The following CAMKMT variants were observed in gnomAD, a reference collection of about 807,000 sequenced individuals.
CAMKMT encodes the protein calmodulin-lysine N-methyltransferase, also known as CaM KMT.
Under a neutral mutation model 48.0 loss-of-function variants are expected in CAMKMT, and 53 were observed. The observed-to-expected ratio is 1.10, with a 90% CI of 0.89 to 1.39. The LOEUF (loss-of-function observed/expected upper bound fraction) is 1.39, where lower values mean the gene tolerates loss of function less well. Among genes scored for constraint, CAMKMT ranks in the 40% most tolerant of loss-of-function variants. CAMKMT has a pLI of 0.00. For missense variants in CAMKMT, 428 were observed against 402.7 expected (o/e 1.06, Z -0.54); for synonymous variants, 165 against 152.3 (o/e 1.08, Z -0.61).
At chr2:44,512,803 G>T (rs1670635575) in intron 3 of CAMKMT, among the ~76,000 whole-genome samples, 1 of 151,650 alleles carries the variant, frequency 6.6e-6, no homozygotes, top group African/African-American at 2.4e-5. Flanking sequence ...TATTTTCAAT[G>T]TTTTTTTCTT....
chr2:44,441,532 AT>A (rs1666661971), intron 3 of CAMKMT, among the ~76,000 whole-genome samples: 1 of 152,198 alleles, frequency 6.6e-6, no homozygotes, highest in Non-Finnish European at 1.5e-5. Flanking sequence ...GATTAACTGT[AT>A]AAAAAGACTG....
intron 3 of CAMKMT, among the ~76,000 whole-genome samples, chr2:44,539,562 A>G (rs1666976543): frequency 6.6e-6 from 1 of 152,142 alleles, no homozygotes; most frequent in Non-Finnish European, 1.5e-5. Context: ...CCTCAATGAT[A>G]GTCTTTATAG....
At chr2:44,489,326 A>G (rs753111768) in intron 3 of CAMKMT, among the ~76,000 whole-genome samples, 10 of 148,960 alleles carry the variant, frequency 6.7e-5, no homozygotes, top group Admixed American at 4.1e-4. Flanking sequence ...GCTCACTGCA[A>G]TCTCTGCCTC....
At chr2:44,728,541 TCTGGTCCAGGG>T (rs1460261247) in intron 7 of CAMKMT, among the ~76,000 whole-genome samples, 1 of 152,204 alleles carries the variant, frequency 6.6e-6, no homozygotes, top group Non-Finnish European at 1.5e-5. Flanking sequence ...TGTGAATCCA[TCTGGTCCAGGG>T]CTTTTTTTTG....
chr2:44,591,186 G>A (rs1162502553), intron 3 of CAMKMT, among the ~76,000 whole-genome samples: 1 of 150,146 alleles, frequency 6.7e-6, no homozygotes, highest in Non-Finnish European at 1.5e-5. Context: ...GTCAGGTAGT[G>A]TGATGCCTCC....
At chr2:44,387,439 A>C (rs1022479541) in intron 2 of CAMKMT, among the ~76,000 whole-genome samples, 5 of 152,000 alleles carry the variant, frequency 3.3e-5, no homozygotes, top group Non-Finnish European at 7.4e-5. Flanking sequence ...GGCAGCAGAT[A>C]GTTGGTTGGT....
intron 3 of CAMKMT, among the ~76,000 whole-genome samples, chr2:44,622,699 G>C (rs542207295): frequency 6.6e-6 from 1 of 152,178 alleles, no homozygotes; most frequent in Non-Finnish European, 1.5e-5. Context: ...ATAGTATTCC[G>C]TGGTATATAT....
intron 2 of CAMKMT, among the ~76,000 whole-genome samples, chr2:44,387,440 G>C: frequency 6.6e-6 from 1 of 152,114 alleles, no homozygotes; most frequent in East Asian, 1.9e-4. Context: ...GCAGCAGATA[G>C]TTGGTTGGTG....
chr2:44,383,662 A>G (rs866384906), intron 2 of CAMKMT, among the ~76,000 whole-genome samples: 1 of 152,062 alleles, frequency 6.6e-6, no homozygotes, highest in African/African-American at 2.4e-5. Flanking sequence ...CCCAAAGTCC[A>G]TTGTATCATT....
chr2:44,501,683 A>T (rs1670014363), intron 3 of CAMKMT, among the ~76,000 whole-genome samples: 1 of 152,294 alleles, frequency 6.6e-6, no homozygotes, highest in Middle Eastern at 3.4e-3. Context: ...AAATATTTTT[A>T]TAGGTGCAGT....
At chr2:44,555,810 A>G (rs985927514) in intron 3 of CAMKMT, among the ~76,000 whole-genome samples, 3 of 152,196 alleles carry the variant, frequency 2.0e-5, no homozygotes, top group African/African-American at 4.8e-5. Flanking sequence ...TTCAAGGGCA[A>G]GAGAGTGGCC....
chr2:44,447,966 A>G (rs1667093893), intron 3 of CAMKMT, among the ~76,000 whole-genome samples: 2 of 152,186 alleles, frequency 1.3e-5, no homozygotes, highest in Admixed American at 1.3e-4. Flanking sequence ...TGTTTGGGAT[A>G]TGTATTTTAA....
chr2:44,422,610 A>G lies in CAMKMT; in HGVS notation c.376+32305A>G, dbSNP rs569757264. On this transcript the variant is annotated intron_variant, in intron 3 of 10. Transcript: ENST00000378494. ...CTGCTGCAAATACTTTATCACCTGTATCTGTATTTTGCCTTACTCCCTCAA... is the reference window on the plus strand; with the variant it reads ...CTGCTGCAAATACTTTATCACCTGTGTCTGTATTTTGCCTTACTCCCTCAA... Among the ~76,000 whole-genome samples the G allele has an allele frequency of 9.9e-5, 15 of 152,134 alleles. No individual in the cohort carries two copies. In the South Asian group the frequency reaches 1.5e-3, roughly 15 times the overall value.
chr2:44,424,067 C>A (rs1418729460), intron 3 of CAMKMT, among the ~76,000 whole-genome samples: 1 of 152,046 alleles, frequency 6.6e-6, no homozygotes, highest in Non-Finnish European at 1.5e-5. Context: ...ATTACAGAGC[C>A]AAGTAGTGTT....
At chr2:44,758,380 A>T (rs1558838845) in intron 9 of CAMKMT, among the ~76,000 whole-genome samples, 1 of 152,154 alleles carries the variant, frequency 6.6e-6, no homozygotes, top group Non-Finnish European at 1.5e-5. Context: ...GTGATGTCAG[A>T]TCCCAGGCTG....
At chr2:44,644,544 T>C (rs1028247592) in intron 3 of CAMKMT, among the ~76,000 whole-genome samples, 2 of 152,214 alleles carry the variant, frequency 1.3e-5, no homozygotes, top group African/African-American at 4.8e-5. Flanking sequence ...GAAAAGGCTT[T>C]TGTATTTTCT....
At chr2:44,623,550 C>T (rs911945458) in intron 3 of CAMKMT, among the ~76,000 whole-genome samples, 2 of 152,122 alleles carry the variant, frequency 1.3e-5, no homozygotes, top group East Asian at 3.8e-4. Flanking sequence ...ATATGATTAG[C>T]CTGTTACCCC....
At chr2:44,364,225 A>G (rs1678354699) in intron 1 of CAMKMT, among the ~76,000 whole-genome samples, 1 of 152,060 alleles carries the variant, frequency 6.6e-6, no homozygotes, top group African/African-American at 2.4e-5. Context: ...AAACAGTGAC[A>G]AGTTTCAGCT....
chr2:44,532,094 G>C (rs1666515022), intron 3 of CAMKMT, among the ~76,000 whole-genome samples: 1 of 152,138 alleles, frequency 6.6e-6, no homozygotes, highest in South Asian at 2.1e-4. Context: ...TGTATTTTCT[G>C]AATACGGCTA....
Sources: allele counts gnomAD v4.1 joint callset (sites outside exome capture counted in the v4.1 genomes callset), GRCh38; gene constraint gnomAD v4.1.1; transcripts MANE v1.5; gene names NCBI Gene and HGNC (gene_info 2026-07-23, HGNC 2026-07-21).